Variants in KIRREL3 observed in about 807,000 individuals in gnomAD.
The protein encoded by KIRREL3 is kin of IRRE-like protein 3.
Under a neutral mutation model 89.7 loss-of-function variants are expected in KIRREL3, and 36 were observed. The observed-to-expected ratio is 0.40, with a 90% CI of 0.31 to 0.53. The LOEUF (loss-of-function observed/expected upper bound fraction) is 0.53. KIRREL3 is among the 20% of genes least tolerant of loss of function. The probability of loss-of-function intolerance (pLI) is 0.49; values close to 1 mark genes in which losing one functional copy is unlikely to be tolerated. For missense variants in KIRREL3, 864 were observed against 1,056.6 expected, an observed-to-expected ratio of 0.82 and a Z score of 2.53; for synonymous variants, 445 against 441.4, an observed-to-expected ratio of 1.01 and a Z score of -0.10.
chr11:126,598,373 A>G (rs1265283967), intron 1 of KIRREL3, among the ~76,000 whole-genome samples: 1 of 152,220 alleles, frequency 6.6e-6, no homozygotes, highest in Non-Finnish European at 1.5e-5. Flanking sequence ...CAGGTTACCC[A>G]AGTTAACCAA....
At chr11:126,963,977 A>G (rs1346675929) in intron 1 of KIRREL3, among the ~76,000 whole-genome samples, 1 of 152,178 alleles carries the variant, frequency 6.6e-6, no homozygotes, top group Non-Finnish European at 1.5e-5. Context: ...GAGGTACAGA[A>G]AAAATTAGAA....
intron 7 of KIRREL3, among the ~76,000 whole-genome samples, chr11:126,451,175 A>T (rs971704818): frequency 8.1e-6 from 1 of 123,802 alleles, no homozygotes; most frequent in African/African-American, 3.2e-5. Context: ...GAATGTGTAC[A>T]TGTGTGAATG....
rs1947507124 is a variant in KIRREL3 at position 126,705,806 on chromosome 11, A to AT, written c.56-142895dup. Among the ~76,000 whole-genome samples, 1 of 152,226 alleles carries AT rather than the reference A, an allele frequency of 6.6e-6. No individual in the cohort carries two copies. The highest frequency in any genetic ancestry group is 2.4e-5 in the African/African-American group (1 of 41,466). ...CTACCTCTCCTATTTTAGAACTGCC[A>AT]TGGCACTGTGACTTGCCTTGACCAC... On this transcript the variant is annotated intron_variant, in intron 1 of 16. Coordinates refer to ENST00000525144, the MANE Select transcript of KIRREL3 (RefSeq NM_032531.4). The surrounding 1 kb of genome is among the most constrained non-coding windows in gnomAD (Gnocchi z 4.3).
At position 126,666,117 on chromosome 11, in the gene KIRREL3, T is replaced by A. The variant is rs1380687404; in HGVS notation, c.56-103205A>T. Among the ~76,000 whole-genome samples the A allele has an allele frequency of 2.0e-5, 3 of 152,226 alleles. No homozygotes were observed. The highest frequency in any genetic ancestry group is 6.5e-5 in the Admixed American group (1 of 15,276). On this transcript the variant is annotated intron_variant, in intron 1 of 16. Transcript: ENST00000525144. The surrounding 1 kb of genome is among the most constrained non-coding windows in gnomAD (Gnocchi z 4.2). Reference sequence around the variant, plus strand: ...TCAGAACCACTTGCCTACTGCATTGTCTGTATCATAGAAGTTGAGGAACCA... The same window carrying A: ...TCAGAACCACTTGCCTACTGCATTGACTGTATCATAGAAGTTGAGGAACCA...
rs1477495587 is a variant in KIRREL3, at chr11:126,490,227, T to A, written c.434-16761A>T. Reference sequence around the variant, plus strand: ...GTGTGTGTGTGTGTGTGTGTGTGTGTGTGGCGGGGGCGGGGGAGGCAAGGC... The same window carrying A: ...GTGTGTGTGTGTGTGTGTGTGTGTGAGTGGCGGGGGCGGGGGAGGCAAGGC... On this transcript the variant is annotated intron_variant, in intron 4 of 16. Coordinates refer to ENST00000525144, the MANE Select transcript of KIRREL3 (RefSeq NM_032531.4). The surrounding 1 kb of genome is among the most constrained non-coding windows in gnomAD (Gnocchi z 4.2). Among the ~76,000 whole-genome samples, 1 of 122,214 alleles carries A rather than the reference T, an allele frequency of 8.2e-6. No homozygotes were observed. The highest frequency in any genetic ancestry group is 2.5e-4 in the South Asian group (1 of 3,928). 80.2% of individuals were successfully genotyped at this position (122,214 alleles called of 152,430 possible).
chr11:126,730,840 G>A (rs1313773904), intron 1 of KIRREL3, among the ~76,000 whole-genome samples: 2 of 152,174 alleles, frequency 1.3e-5, no homozygotes, highest in Non-Finnish European at 2.9e-5. Flanking sequence ...CCAGGTTCAC[G>A]CCATTCTCCT....
intron 1 of KIRREL3, among the ~76,000 whole-genome samples, chr11:126,855,697 C>A (rs1174077522): frequency 6.6e-6 from 1 of 152,222 alleles, no homozygotes; most frequent in East Asian, 1.9e-4. Context: ...CATCACCAGC[C>A]TTTCCAGTCC....
intron 5 of KIRREL3, among the ~76,000 whole-genome samples, chr11:126,470,409 C>A (rs1956853395): frequency 6.6e-6 from 1 of 152,210 alleles, no homozygotes; most frequent in African/African-American, 2.4e-5. Context: ...TCCCTCCCTC[C>A]CCCTGGACTT....
rs1013052482 is a variant in KIRREL3, at chr11:126,454,924, G to T, written c.848+1425C>A. 6.6e-6 allele frequency among the ~76,000 whole-genome samples: 1 copy of T among 152,200 alleles called. No individual in the cohort carries two copies. Among genetic ancestry groups the T allele is most frequent in the African/African-American group, 2.4e-5 (1 of 41,430 alleles). On this transcript the variant is annotated intron_variant, in intron 7 of 16. Transcript: ENST00000525144. The surrounding 1 kb of genome is among the most constrained non-coding windows in gnomAD (Gnocchi z 5.8). ...GATAGGAACTCTGGGCTCTGCCTGGGTTTCTGACTCCAGTGCTGCTTAATT... is the reference window on the plus strand; with the variant it reads ...GATAGGAACTCTGGGCTCTGCCTGGTTTTCTGACTCCAGTGCTGCTTAATT...
intron 1 of KIRREL3, among the ~76,000 whole-genome samples, chr11:126,841,318 G>A (rs150004623): frequency 0.011 from 1,618 of 152,284 alleles, 14 homozygotes; most frequent in Middle Eastern, 0.024. Context: ...CCTTGTCTGA[G>A]CTCCCTAGGC....
At chr11:126,440,238 T>C (rs762989806) in intron 11 of KIRREL3, 3 of 700,710 alleles carry the variant, frequency 4.3e-6, no homozygotes, top group Non-Finnish European at 5.2e-6. Flanking sequence ...GAATGGCAGC[T>C]GAACCCTGGG....
intron 1 of KIRREL3, among the ~76,000 whole-genome samples, chr11:126,851,673 T>C (rs912339348): frequency 7.9e-5 from 12 of 152,036 alleles, no homozygotes; most frequent in Middle Eastern, 3.4e-3. Context: ...TATCTTCCAG[T>C]GTGGTTTTCT....
At position 126,506,584 on chromosome 11, in the gene KIRREL3, T is replaced by C. The variant is rs188788320; in HGVS notation, c.433+14731A>G. 1.8e-3 allele frequency among the ~76,000 whole-genome samples: 275 copies of C among 152,302 alleles called. 1 individual carries two copies. Among genetic ancestry groups the C allele is most frequent in the Admixed American group, 3.4e-3 (52 of 15,296 alleles). ...ACCTGTAACAGTGTTGGCAAGGATGTAGAGAAACTGGAATGCTCATTTATT... is the reference window on the plus strand; with the variant it reads ...ACCTGTAACAGTGTTGGCAAGGATGCAGAGAAACTGGAATGCTCATTTATT... On this transcript the variant is annotated intron_variant, in intron 4 of 16. Coordinates refer to ENST00000525144, the MANE Select transcript of KIRREL3 (RefSeq NM_032531.4).
intron 12 of KIRREL3, among the ~76,000 whole-genome samples, chr11:126,435,614 A>G (rs1955296226): frequency 6.6e-6 from 1 of 152,190 alleles, no homozygotes; most frequent in African/African-American, 2.4e-5. Context: ...GGTAGGCAAC[A>G]GGGGACCAGG....
At chr11:126,714,649 G>A (rs375502903) in intron 1 of KIRREL3, among the ~76,000 whole-genome samples, 1 of 152,162 alleles carries the variant, frequency 6.6e-6, no homozygotes, top group Admixed American at 6.5e-5. Context: ...ACGTCCCAGA[G>A]TTGCACGGTG....
In KIRREL3 at chr11:126,489,274, T is replaced by C. The variant is rs1172987361; in HGVS notation, c.434-15808A>G. ...GAGCTTCCTAAGGGAAGCAGCCCTG[T>C]CATGTTCCTCTTTGTCTCTCTCTCC... On this transcript the variant is annotated intron_variant, in intron 4 of 16. Transcript: ENST00000525144. This position sits in a 1 kb window ranked among gnomAD's most constrained non-coding sequence, Gnocchi z 5.5. Among the ~76,000 whole-genome samples the C allele has an allele frequency of 6.6e-6, 1 of 152,118 alleles. No homozygotes were observed. Among genetic ancestry groups the C allele is most frequent in the Non-Finnish European group, 1.5e-5 (1 of 68,010 alleles).
chr11:126,795,805 T>TCC lies in KIRREL3; in HGVS notation c.55+204649_55+204650insGG. ...GAGCCACTTCAACCACCAGTTCTTC[T>TCC]TCCCCCTGTGCACCCCAAGAGCGTA... is the stretch of plus-strand genomic sequence containing the variant. On this transcript the variant is annotated intron_variant, in intron 1 of 16. Transcript: ENST00000525144. The surrounding 1 kb of genome is among the most constrained non-coding windows in gnomAD (Gnocchi z 4.1). 6.6e-6 allele frequency among the ~76,000 whole-genome samples: 1 copy of TCC among 151,798 alleles called. No individual in the cohort carries two copies. Among genetic ancestry groups the TCC allele is most frequent in the Non-Finnish European group, 1.5e-5 (1 of 67,998 alleles).
At chr11:126,518,719 C>T (rs1308040844) in intron 4 of KIRREL3, among the ~76,000 whole-genome samples, 2 of 152,260 alleles carry the variant, frequency 1.3e-5, no homozygotes, top group African/African-American at 2.4e-5. Flanking sequence ...GGAACAGCCA[C>T]TCTCTCCATT....
In KIRREL3 at chr11:126,870,144, G is replaced by A. The variant is rs1407630903; in HGVS notation, c.55+130311C>T. 3.3e-5 allele frequency among the ~76,000 whole-genome samples: 5 copies of A among 152,144 alleles called. No individual in the cohort carries two copies. Among genetic ancestry groups the A allele is most frequent in the Admixed American group, 2.6e-4 (4 of 15,286 alleles). On this transcript the variant is annotated intron_variant, in intron 1 of 16. Coordinates refer to ENST00000525144, the MANE Select transcript of KIRREL3 (RefSeq NM_032531.4). This position sits in a 1 kb window ranked among gnomAD's most constrained non-coding sequence, Gnocchi z 4.4. The stretch of plus-strand genomic sequence containing the variant: ...GATTAATGACCAGGAGTGAGTGTGG[G>A]CGAGTGTGGGGCACAGGGTCGTATG...
Sources: gnomAD v4.1 joint callset for allele counts (sites outside exome capture counted in the v4.1 genomes callset) on GRCh38, gnomAD v4.1.1 for gene constraint, Gnocchi (gnomAD v3.1) non-coding constraint, MANE v1.5 for transcripts, NCBI Gene and HGNC (gene_info 2026-07-23, HGNC 2026-07-21) for gene names.